RUNX1: variants seen among roughly 807,000 people sequenced by gnomAD.
RUNX1 encodes RUNX family transcription factor 1, also known as runt-related transcription factor 1.
In RUNX1, 19 loss-of-function variants were observed where a neutral mutation model predicts 42.8. The observed-to-expected ratio is 0.44, with a 90% CI of 0.31 to 0.65. RUNX1 has a LOEUF of 0.65. RUNX1 is among the 30% of genes least tolerant of loss of function. RUNX1 has a pLI of 0.07. For missense variants in RUNX1, 528 were observed against 672.0 expected, an observed-to-expected ratio of 0.79 and a Z score of 2.37; for synonymous variants, 271 against 289.4, an observed-to-expected ratio of 0.94 and a Z score of 0.64.
intron 2 of RUNX1, among the ~76,000 whole-genome samples, chr21:34,960,878 G>A (rs1266050553): frequency 6.6e-6 from 1 of 152,184 alleles, no homozygotes; most frequent in Non-Finnish European, 1.5e-5. Flanking sequence ...ACAATGGGAA[G>A]ATTAGGAGGA....
At chr21:34,952,938 T>C (rs1365803722) in intron 2 of RUNX1, among the ~76,000 whole-genome samples, 4 of 152,210 alleles carry the variant, frequency 2.6e-5, no homozygotes, top group Non-Finnish European at 4.4e-5. Flanking sequence ...AGCTGGCATC[T>C]AATCGCAAGG....
intron 5 of RUNX1, among the ~76,000 whole-genome samples, chr21:34,871,356 T>C (rs1303707151): frequency 6.6e-6 from 1 of 152,234 alleles, no homozygotes; most frequent in Non-Finnish European, 1.5e-5. Context: ...CTGTCGAATC[T>C]AGGAGCGTTG....
At chr21:34,866,339 A>G (rs1031629922) in intron 5 of RUNX1, among the ~76,000 whole-genome samples, 3 of 152,240 alleles carry the variant, frequency 2.0e-5, no homozygotes, top group East Asian at 1.9e-4. Flanking sequence ...TTAAAAACCA[A>G]GAGAGTCAGT....
At chr21:34,937,860 T>C (rs1188066478) in intron 2 of RUNX1, among the ~76,000 whole-genome samples, 2 of 152,166 alleles carry the variant, frequency 1.3e-5, no homozygotes, top group African/African-American at 2.4e-5. Context: ...TTTTCTAAAA[T>C]TGTTTTCTCT....
At chr21:34,798,674 A>G (rs2056565471) in intron 8 of RUNX1, among the ~76,000 whole-genome samples, 2 of 152,216 alleles carry the variant, frequency 1.3e-5, no homozygotes, top group Non-Finnish European at 2.9e-5. Context: ...TTCCCTAAAC[A>G]ATGCAGTATA....
chr21:35,013,882 C>A (rs2146921153), intron 2 of RUNX1, among the ~76,000 whole-genome samples: 1 of 152,016 alleles, frequency 6.6e-6, no homozygotes, highest in South Asian at 2.1e-4. Context: ...GAAATTCATG[C>A]AAAAATTAAG....
chr21:34,831,790 G>A (rs12482008), intron 7 of RUNX1, among the ~76,000 whole-genome samples: 4 of 152,038 alleles, frequency 2.6e-5, no homozygotes, highest in Non-Finnish European at 5.9e-5. Flanking sequence ...ACAAACTGAA[G>A]GTCTTGGCTG....
intron 2 of RUNX1, among the ~76,000 whole-genome samples, chr21:34,906,903 G>A (rs2058224606): frequency 6.6e-6 from 1 of 152,180 alleles, no homozygotes; most frequent in African/African-American, 2.4e-5. Context: ...CTCAGTTTGG[G>A]TTTGAGCCCA....
intron 5 of RUNX1, among the ~76,000 whole-genome samples, chr21:34,879,412 CA>C (rs2057863021): frequency 1.3e-5 from 2 of 152,076 alleles, no homozygotes; most frequent in Non-Finnish European, 2.9e-5. Context: ...GCTAGGATAG[CA>C]AAAATAATCA....
rs150107067 is a variant in RUNX1 at position 35,022,356 on chromosome 21, G to A, written c.58+26486C>T. Among the ~76,000 whole-genome samples the A allele has an allele frequency of 2.2e-4, 33 of 152,296 alleles. No individual in the cohort carries two copies. In the South Asian group the frequency reaches 4.4e-3, roughly 20 times the overall value. ...GGAGTCCGCTGGTTTTCTAGCCTGC[G>A]CCCCGCAGGAGTGCCTGAAGGGTGT... On this transcript the variant is annotated intron_variant, in intron 2 of 8. Transcript: ENST00000675419.
At chr21:34,992,423 T>C (rs8127202) in intron 2 of RUNX1, among the ~76,000 whole-genome samples, 26,724 of 152,030 alleles carry the variant, frequency 0.18, 2,690 homozygotes, top group African/African-American at 0.26. Flanking sequence ...GGGGCTTCAA[T>C]CTCCCTTTTT....
chr21:34,999,005 G>A (rs2146865864), intron 2 of RUNX1, among the ~76,000 whole-genome samples: 1 of 152,344 alleles, frequency 6.6e-6, no homozygotes, highest in South Asian at 2.1e-4. Flanking sequence ...TAGACTTGAT[G>A]GGAGACAGGC....
chr21:34,982,409 T>TGTGTGTGTGTGTGC (rs2058853526), intron 2 of RUNX1, among the ~76,000 whole-genome samples: 1 of 151,458 alleles, frequency 6.6e-6, no homozygotes, highest in South Asian at 2.1e-4. Context: ...TGTGTGTGTG[T>TGTGTGTGTGTGTGC]GTGTGTGTGA....
rs184100670 is a variant in RUNX1, at chr21:34,962,051, C to T, written c.59-69088G>A. Among the ~76,000 whole-genome samples, 465 of 152,110 alleles carry T rather than the reference C, an allele frequency of 3.1e-3. 1 individual carries two copies. Among genetic ancestry groups the T allele is most frequent in the African/African-American group, 0.011 (449 of 41,470 alleles). ...GGGACTACAGGTGCATGCCACCTTG[C>T]CTGATTAATTTTTGAAAAAAAATTT... On this transcript the variant is annotated intron_variant, in intron 2 of 8. Transcript: ENST00000675419.
At chr21:34,889,929 C>A in intron 3 of RUNX1, 1 of 900,434 alleles carries the variant, frequency 1.1e-6, no homozygotes, top group Non-Finnish European at 1.4e-6. Flanking sequence ...CGGATCCCGG[C>A]CCCGTTCCAC....
intron 2 of RUNX1, among the ~76,000 whole-genome samples, chr21:34,967,298 C>A (rs903682636): frequency 1.1e-5 from 1 of 92,234 alleles, no homozygotes; most frequent in Non-Finnish European, 2.0e-5. Flanking sequence ...CCAGCCCAGG[C>A]GACAGTGTGA....
chr21:35,025,837 C>T (rs2059231786), intron 2 of RUNX1, among the ~76,000 whole-genome samples: 1 of 152,044 alleles, frequency 6.6e-6, no homozygotes, highest in Admixed American at 6.6e-5. Context: ...AAAAGGGAAA[C>T]TCATATGGTT....
chr21:34,822,086 ATGTT>A (rs1249267312), intron 7 of RUNX1, among the ~76,000 whole-genome samples: 1 of 152,172 alleles, frequency 6.6e-6, no homozygotes. Context: ...TTTCCTGAGA[ATGTT>A]AGTTAGGGGT....
intron 3 of RUNX1, chr21:34,888,690 G>C (rs907189240): frequency 8.4e-5 from 87 of 1,038,950 alleles, no homozygotes; most frequent in Non-Finnish European, 1.0e-4. Flanking sequence ...CTGGCTCTAT[G>C]AATGAGAGTG....
Sources: gnomAD v4.1 joint callset for allele counts (sites outside exome capture counted in the v4.1 genomes callset) on GRCh38, gnomAD v4.1.1 for gene constraint, MANE v1.5 for transcripts, NCBI Gene and HGNC (gene_info 2026-07-23, HGNC 2026-07-21) for gene names.